The following MYCBP2 variants were observed in gnomAD, a reference collection of about 807,000 sequenced individuals.
MYCBP2 encodes E3 ubiquitin-protein ligase MYCBP2.
MYCBP2 carries 120 observed loss-of-function variants against 525.3 expected under a neutral mutation model. That is an observed-to-expected ratio of 0.23 (90% CI 0.20 to 0.27). The LOEUF (loss-of-function observed/expected upper bound fraction) is 0.27. Ranked by LOEUF, MYCBP2 falls within the 10% of genes least tolerant of loss-of-function variation. MYCBP2 has a pLI of 1.00. For missense variants in MYCBP2, 4,149 were observed against 5,657.1 expected (o/e 0.73, Z 8.55); for synonymous variants, 1,894 against 1,955.8 (o/e 0.97, Z 0.83).
chr13:77,166,449 C>T lies in MYCBP2; in HGVS notation c.6220G>A (p.Val2074Ile). ...VLRLLIPVRTVQNSGYGPKLT... is the reference protein window; with the variant it reads ...VLRLLIPVRTIQNSGYGPKLT... Reference sequence around the variant, plus strand: ...TTTGGTCCATATCCTGAATTCTGAACAGTTCTGACAGGAATCAACAAACGA... The same window carrying T: ...TTTGGTCCATATCCTGAATTCTGAATAGTTCTGACAGGAATCAACAAACGA... The change falls in exon 41 of 83, where the codon GTT becomes ATT. Residue 2074 changes from valine to isoleucine, a missense_variant. Physicochemically the swap from Val to Ile is conservative, Grantham distance 29 (BLOSUM62 3). Around this residue, in one of 21 missense-constraint regions of MYCBP2, gnomAD observed 692 missense variants for 852.7 expected, o/e 0.81. Transcript: ENST00000544440. 6.2e-7 allele frequency: 1 copy of T among 1,613,984 alleles called. No homozygotes were observed. Among genetic ancestry groups the T allele is most frequent in the Non-Finnish European group, 8.5e-7 (1 of 1,179,912 alleles).
In MYCBP2 at chr13:77,076,738, T is replaced by G; in HGVS notation, c.11823+13A>C. On this transcript the variant is annotated intron_variant, in intron 68 of 82. Coordinates refer to ENST00000544440, the MANE Select transcript of MYCBP2 (RefSeq NM_015057.5). The stretch of plus-strand genomic sequence containing the variant: ...AAAAGGGAAATAAATATCTTTAGAA[T>G]ACAAATAAATACATTGTATACTTTT... 3 of 1,455,308 alleles carry G rather than the reference T, an allele frequency of 2.1e-6. No individual in the cohort carries two copies. The South Asian group carries it at 3.7e-5, about 18-fold the overall frequency. 90.1% of individuals were successfully genotyped at this position (1,455,308 alleles called of 1,614,324 possible).
intron 52 of MYCBP2, among the ~76,000 whole-genome samples, chr13:77,128,977 T>TA (rs1158159094): frequency 6.6e-6 from 1 of 152,036 alleles, no homozygotes; most frequent in African/African-American, 2.4e-5. Context: ...AAGTATCACT[T>TA]AAACTAATAA....
chr13:77,139,632 A>G (rs1413606139), intron 51 of MYCBP2, among the ~76,000 whole-genome samples: 1 of 152,236 alleles, frequency 6.6e-6, no homozygotes, highest in Non-Finnish European at 1.5e-5. Flanking sequence ...TCCCAAAGGA[A>G]TATGAGTCTT....
intron 15 of MYCBP2, among the ~76,000 whole-genome samples, chr13:77,249,142 A>C (rs1165313821): frequency 6.6e-6 from 1 of 152,206 alleles, no homozygotes; most frequent in Non-Finnish European, 1.5e-5. Context: ...ATTGTTTAAC[A>C]GTTACAGAGT....
intron 59 of MYCBP2, 56 bp from the exon 60 acceptor site, chr13:77,090,319 C>A: frequency 6.9e-7 from 1 of 1,451,168 alleles, no homozygotes; most frequent in Non-Finnish European, 9.3e-7. Context: ...TGAAATGTAA[C>A]TATACTTATA....
intron 17 of MYCBP2, among the ~76,000 whole-genome samples, chr13:77,238,652 T>A (rs1366996190): frequency 3.3e-5 from 5 of 152,182 alleles, no homozygotes; most frequent in Non-Finnish European, 7.3e-5. Context: ...ATTAAAAAAA[T>A]TAACTAGACT....
chr13:77,138,704 C>T (rs17067242), intron 52 of MYCBP2, among the ~76,000 whole-genome samples: 1 of 151,904 alleles, frequency 6.6e-6, no homozygotes, highest in Admixed American at 6.6e-5. Flanking sequence ...TAGAATACAA[C>T]GGAGCACCAC....
intron 14 of MYCBP2, among the ~76,000 whole-genome samples, chr13:77,254,255 T>C (rs1427282780): frequency 6.6e-6 from 1 of 151,834 alleles, no homozygotes; most frequent in African/African-American, 2.4e-5. Flanking sequence ...TGTAAAAATA[T>C]ATAAGAACAT....
At chr13:77,288,664 G>A (rs1178823515) in intron 2 of MYCBP2, among the ~76,000 whole-genome samples, 2 of 152,086 alleles carry the variant, frequency 1.3e-5, no homozygotes, top group Non-Finnish European at 2.9e-5. Flanking sequence ...ACTCAACAAA[G>A]CTTAACTCTT....
At chr13:77,219,290 C>T (rs1056607050) in intron 20 of MYCBP2, among the ~76,000 whole-genome samples, 1 of 152,044 alleles carries the variant, frequency 6.6e-6, no homozygotes, top group African/African-American at 2.4e-5. Context: ...AGGAGACATA[C>T]ACCTAACCAC....
intron 31 of MYCBP2, 145 bp downstream of exon 31, chr13:77,185,726 A>C (rs899115369): frequency 1.7e-6 from 1 of 602,514 alleles, no homozygotes; most frequent in Admixed American, 3.6e-5. Context: ...ATACATAAGC[A>C]TCATAGCAAG....
intron 1 of MYCBP2, among the ~76,000 whole-genome samples, chr13:77,307,169 C>T (rs753326412): frequency 1.8e-4 from 28 of 152,034 alleles, no homozygotes; most frequent in Non-Finnish European, 3.2e-4. Context: ...CTGAAACTTC[C>T]TCCTTCCCCC....
intron 43 of MYCBP2, among the ~76,000 whole-genome samples, chr13:77,164,053 C>A (rs2058257291): frequency 6.6e-6 from 1 of 152,218 alleles, no homozygotes. Flanking sequence ...AAATAACGAT[C>A]ATATTCAATT....
chr13:77,207,615 A>G (rs2063500613), intron 23 of MYCBP2, among the ~76,000 whole-genome samples: 1 of 152,186 alleles, frequency 6.6e-6, no homozygotes, highest in Non-Finnish European at 1.5e-5. Context: ...TTTTTACCAC[A>G]ATTAAAAAAT....
chr13:77,220,879 T>C (rs974999121), intron 20 of MYCBP2, among the ~76,000 whole-genome samples: 4 of 152,190 alleles, frequency 2.6e-5, no homozygotes, highest in Non-Finnish European at 5.9e-5. Context: ...TATATAGGTA[T>C]GACTACTGCA....
In MYCBP2 at chr13:77,228,705, G is replaced by A. The variant is rs1166276384; in HGVS notation, c.2738-3151C>T. Among the ~76,000 whole-genome samples the A allele has an allele frequency of 8.6e-5, 13 of 151,662 alleles. No individual in the cohort carries two copies. The South Asian group carries it at 2.7e-3, about 32-fold the overall frequency. ...AGATGAATATGTTGTGTGTGTGTGT[G>A]TGTGTGTGTGTGTGTGTGTGTGTAT... On this transcript the variant is annotated intron_variant, in intron 18 of 82. Coordinates refer to ENST00000544440, the MANE Select transcript of MYCBP2 (RefSeq NM_015057.5).
intron 3 of MYCBP2, among the ~76,000 whole-genome samples, chr13:77,285,984 A>T (rs1229615118): frequency 1.3e-5 from 2 of 152,178 alleles, no homozygotes; most frequent in African/African-American, 4.8e-5. Context: ...GAAAAAGAAA[A>T]GGGTCCCACT....
rs1266733033 is a variant in MYCBP2 at position 77,121,487 on chromosome 13, G to C, written c.8026C>G (p.Leu2676Val). The C allele has an allele frequency of 6.4e-7, 1 of 1,574,290 alleles. No individual in the cohort carries two copies. The highest frequency in any genetic ancestry group is 8.7e-7 in the Non-Finnish European group (1 of 1,154,644). ...GGAGTTTGAGAATTCTGATCCAGAA[G>C]AGCTTGTTCTACAATAAAAGCCATA... ...QYLRHEDEQALLDQNSQTPPP... is the reference protein window; with the variant it reads ...QYLRHEDEQAVLDQNSQTPPP... Residue 2676 changes from leucine to valine, a missense_variant, in exon 55 of 83, where the codon CTT (leucine) becomes GTT (valine). Physicochemically the swap from Leu to Val is conservative, Grantham distance 32. Around this residue, in one of 21 missense-constraint regions of MYCBP2, gnomAD observed 653 missense variants for 744.7 expected, o/e 0.88. Coordinates refer to ENST00000544440, the MANE Select transcript of MYCBP2 (RefSeq NM_015057.5).
At chr13:77,310,366 C>T (rs2154375362) in intron 1 of MYCBP2, among the ~76,000 whole-genome samples, 1 of 152,218 alleles carries the variant, frequency 6.6e-6, no homozygotes, top group African/African-American at 2.4e-5. Context: ...CAGGGGTCAG[C>T]AAACTATAGT....
Sources: gnomAD v4.1 joint callset for allele counts (sites outside exome capture counted in the v4.1 genomes callset) on GRCh38, gnomAD v4.1.1 for gene constraint, gnomAD v4.1.1 regional missense constraint, MANE v1.5 for transcripts, NCBI Gene and HGNC (gene_info 2026-07-23, HGNC 2026-07-21) for gene names.